The following SLC8A1 variants were observed in gnomAD, a reference collection of about 807,000 sequenced individuals.
SLC8A1 encodes sodium/calcium exchanger 1.
A neutral mutation model predicts 68.3 loss-of-function variants in SLC8A1; 18 were observed. The observed-to-expected ratio is 0.26, with a 90% CI of 0.18 to 0.39. The LOEUF (loss-of-function observed/expected upper bound fraction) is 0.39, where lower values mean the gene tolerates loss of function less well. SLC8A1 is among the 10% of genes least tolerant of loss of function. The pLI, the probability that SLC8A1 is intolerant of heterozygous loss-of-function variation, is 1.00. For missense variants in SLC8A1, 985 were observed against 1,156.7 expected, an observed-to-expected ratio of 0.85 and a Z score of 2.15; for synonymous variants, 475 against 415.5, an observed-to-expected ratio of 1.14 and a Z score of -1.74.
At chr2:40,387,300 C>T (rs1417785967) in intron 2 of SLC8A1, among the ~76,000 whole-genome samples, 1 of 151,376 alleles carries the variant, frequency 6.6e-6, no homozygotes, top group Admixed American at 6.6e-5. Flanking sequence ...CTTATTTTAG[C>T]TTCCCATTAC....
intron 2 of SLC8A1, among the ~76,000 whole-genome samples, chr2:40,312,613 A>G (rs911653538): frequency 2.6e-5 from 4 of 152,164 alleles, no homozygotes; most frequent in African/African-American, 7.2e-5. Flanking sequence ...TGTATATTTC[A>G]TAAGTTTCTA....
chr2:40,309,399 G>A (rs1039647684), intron 2 of SLC8A1, among the ~76,000 whole-genome samples: 18 of 152,004 alleles, frequency 1.2e-4, no homozygotes, highest in African/African-American at 2.7e-4. Context: ...GTTTTTGGCT[G>A]GAGCTACCTG....
rs2074382152 is a variant in SLC8A1, at chr2:40,315,892, C to G, written c.1808+112581G>C. Among the ~76,000 whole-genome samples, 3 of 151,988 alleles carry G rather than the reference C, an allele frequency of 2.0e-5. No individual in the cohort carries two copies. In the South Asian group the frequency reaches 6.2e-4, roughly 31 times the overall value. Reference sequence around the variant, plus strand: ...CTTCTTGCAATGAGAACATTTGTCACTGGTATGTGTCATGAAACGGACCTG... The same window carrying G: ...CTTCTTGCAATGAGAACATTTGTCAGTGGTATGTGTCATGAAACGGACCTG... On this transcript the variant is annotated intron_variant, in intron 2 of 7. Transcript: ENST00000406785.
chr2:40,418,387 CT>C (rs968029984), intron 2 of SLC8A1, among the ~76,000 whole-genome samples: 9 of 152,130 alleles, frequency 5.9e-5, no homozygotes, highest in African/African-American at 2.2e-4. Context: ...AAGGGTTCTT[CT>C]TTGCATAATA....
chr2:40,190,830 C>G (rs1477649151), intron 2 of SLC8A1: 1 of 152,136 alleles, frequency 6.6e-6, no homozygotes, highest in African/African-American at 2.4e-5. Flanking sequence ...TTCTGGGCAT[C>G]CCACTTAGCA....
intron 2 of SLC8A1, among the ~76,000 whole-genome samples, chr2:40,395,669 G>C (rs540251436): frequency 6.6e-6 from 1 of 152,206 alleles, no homozygotes; most frequent in Admixed American, 6.5e-5. Context: ...AAACTAAAGT[G>C]GAACTGCAGG....
chr2:40,154,020 G>A (rs1274510310), intron 6 of SLC8A1, among the ~76,000 whole-genome samples: 2 of 152,144 alleles, frequency 1.3e-5, no homozygotes, highest in East Asian at 3.9e-4. Flanking sequence ...GTTGTAGGAG[G>A]AACACCTAGG....
chr2:40,273,285 G>A (rs1243365563), intron 2 of SLC8A1, among the ~76,000 whole-genome samples: 1 of 151,744 alleles, frequency 6.6e-6, no homozygotes, highest in Non-Finnish European at 1.5e-5. Flanking sequence ...TAGAGACGGG[G>A]TTTCTTCATG....
chr2:40,118,077 A>T (rs1421131078), intron 7 of SLC8A1, among the ~76,000 whole-genome samples: 1 of 152,238 alleles, frequency 6.6e-6, no homozygotes, highest in Admixed American at 6.5e-5. Context: ...CATGCTAGGC[A>T]CTATGCTACA....
exon 8 of SLC8A1, chr2:40,115,065 C>A: frequency 1.7e-5 from 6 of 343,006 alleles, no homozygotes; most frequent in Non-Finnish European, 2.5e-5. Flanking sequence ...CCTTGTTGAA[C>A]ATGATGATGC....
chr2:40,228,445 G>C (rs1009388634), intron 2 of SLC8A1, among the ~76,000 whole-genome samples: 41 of 152,338 alleles, frequency 2.7e-4, no homozygotes, highest in African/African-American at 9.6e-4. Context: ...AAAGCCAACT[G>C]GAGGCAGCTG....
intron 2 of SLC8A1, among the ~76,000 whole-genome samples, chr2:40,308,810 C>T (rs575570640): frequency 6.6e-6 from 1 of 152,236 alleles, no homozygotes; most frequent in South Asian, 2.1e-4. Flanking sequence ...AAGGGCAAAA[C>T]TTTGTCATCC....
chr2:40,447,588 TAAAAAAAA>T lies in SLC8A1; in HGVS notation c.-25+4308_-25+4315del, dbSNP rs139695930. Among the ~76,000 whole-genome samples, 9 of 139,296 alleles carry T rather than the reference TAAAAAAAA, an allele frequency of 6.5e-5. No homozygotes were observed. In the South Asian group the frequency reaches 2.0e-3, roughly 31 times the overall value. The allele number at this position is 139,296 out of a possible 152,430, so 91.4% of individuals were successfully genotyped here. On this transcript the variant is annotated intron_variant, in intron 1 of 7. Transcript: ENST00000406785. ...GTTGACCTGATAAACCAATCCAAGT[TAAAAAAAA>T]AAAAAAAAAAAAGAAAGAACATATG...
intron 1 of SLC8A1, among the ~76,000 whole-genome samples, chr2:40,504,520 C>T (rs903314643): frequency 6.6e-6 from 1 of 151,920 alleles, no homozygotes; most frequent in East Asian, 1.9e-4. Flanking sequence ...AGTGAAGAGG[C>T]AACACACAGA....
intron 2 of SLC8A1, among the ~76,000 whole-genome samples, chr2:40,272,729 G>A (rs2066198098): frequency 6.6e-6 from 1 of 152,176 alleles, no homozygotes; most frequent in African/African-American, 2.4e-5. Context: ...CTTGTTCACC[G>A]CTGTTCTTGC....
At chr2:40,244,397 C>G (rs904385618) in intron 2 of SLC8A1, among the ~76,000 whole-genome samples, 1 of 152,014 alleles carries the variant, frequency 6.6e-6, no homozygotes, top group Non-Finnish European at 1.5e-5. Context: ...TTCCTGCTGA[C>G]CTATGAAGGC....
chr2:40,346,113 C>T (rs1234076396), intron 2 of SLC8A1, among the ~76,000 whole-genome samples: 1 of 150,662 alleles, frequency 6.6e-6, no homozygotes, highest in Admixed American at 6.6e-5. Context: ...TCCTGTGGTC[C>T]CCTCACCACA....
At chr2:40,426,851 T>C (rs1696996994) in intron 2 of SLC8A1, among the ~76,000 whole-genome samples, 1 of 151,940 alleles carries the variant, frequency 6.6e-6, no homozygotes, top group Non-Finnish European at 1.5e-5. Flanking sequence ...ACATAATCAT[T>C]AGGGAAAATA....
intron 2 of SLC8A1, among the ~76,000 whole-genome samples, chr2:40,325,220 G>A (rs139674954): frequency 6.6e-6 from 1 of 152,132 alleles, no homozygotes; most frequent in African/African-American, 2.4e-5. Context: ...TCAGATTGAT[G>A]CTCAATGATG....
Sources: gnomAD v4.1 joint callset for allele counts (sites outside exome capture counted in the v4.1 genomes callset) on GRCh38, gnomAD v4.1.1 for gene constraint, MANE v1.5 for transcripts, NCBI Gene and HGNC (gene_info 2026-07-23, HGNC 2026-07-21) for gene names.